Variants in RBFOX1 observed in about 807,000 individuals in gnomAD.
RBFOX1 encodes RNA binding fox-1 homolog 1, also known as RNA binding protein fox-1 homolog 1.
Under a neutral mutation model 57.7 loss-of-function variants are expected in RBFOX1, and 8 were observed. The ratio of observed to expected loss-of-function variants is 0.14; its 90% CI spans 0.08 to 0.25. The LOEUF is 0.25. RBFOX1 is among the 10% of genes least tolerant of loss of function. The pLI is 1.00. For missense variants in RBFOX1, 611 were observed against 548.5 expected (o/e 1.11, Z -1.14); for synonymous variants, 326 against 222.4 (o/e 1.47, Z -4.15).
chr16:6,546,272 T>A (rs1194356464), intron 2 of RBFOX1, among the ~76,000 whole-genome samples: 3 of 152,150 alleles, frequency 2.0e-5, no homozygotes, highest in African/African-American at 7.2e-5. Flanking sequence ...TCAGACTTTG[T>A]CCCAAGTGCA....
At chr16:6,463,290 C>T (rs184865280) in intron 2 of RBFOX1, among the ~76,000 whole-genome samples, 2 of 152,234 alleles carry the variant, frequency 1.3e-5, no homozygotes, top group East Asian at 1.9e-4. Context: ...TCTGTTAACT[C>T]GGATGTGTGC....
intron 10 of RBFOX1, among the ~76,000 whole-genome samples, chr16:7,622,514 A>G (rs1276235383): frequency 6.6e-6 from 1 of 152,214 alleles, no homozygotes; most frequent in Non-Finnish European, 1.5e-5. Flanking sequence ...TCAAACAATA[A>G]ATAGTCAAGG....
At chr16:5,586,347 G>A (rs182801232) in intron 2 of RBFOX1, among the ~76,000 whole-genome samples, 30 of 152,250 alleles carry the variant, frequency 2.0e-4, no homozygotes, top group Non-Finnish European at 4.0e-4. Flanking sequence ...TTTAAAGCTC[G>A]CTGGGTGATT....
chr16:5,244,307 C>G (rs1459065692), intron 1 of RBFOX1, among the ~76,000 whole-genome samples: 1 of 152,258 alleles, frequency 6.6e-6, no homozygotes, highest in African/African-American at 2.4e-5. Flanking sequence ...CGGTGCAGAG[C>G]AGAATATCAC....
chr16:7,702,671 G>C (rs1207693740), intron 14 of RBFOX1, among the ~76,000 whole-genome samples: 1 of 152,148 alleles, frequency 6.6e-6, no homozygotes, highest in Non-Finnish European at 1.5e-5. Flanking sequence ...TATTGGCTGT[G>C]ACTCCTTTCC....
At chr16:6,295,314 C>T (rs778031763) in intron 1 of RBFOX1, among the ~76,000 whole-genome samples, 8 of 151,904 alleles carry the variant, frequency 5.3e-5, no homozygotes, top group African/African-American at 1.5e-4. Context: ...TTAGTAGAGG[C>T]GAGGTTTCAT....
intron 1 of RBFOX1, among the ~76,000 whole-genome samples, chr16:6,141,821 G>A (rs2096718154): frequency 6.6e-6 from 1 of 152,074 alleles, no homozygotes; most frequent in Non-Finnish European, 1.5e-5. Context: ...CACTTTGGGA[G>A]GGTGAGGCAG....
intron 1 of RBFOX1, among the ~76,000 whole-genome samples, chr16:5,328,897 C>A (rs1419726966): frequency 6.6e-6 from 1 of 152,198 alleles, no homozygotes; most frequent in Admixed American, 6.5e-5. Context: ...CCGGGTCCTA[C>A]CCAGTTCCTG....
chr16:6,054,663 A>G (rs2095592943), intron 1 of RBFOX1, among the ~76,000 whole-genome samples: 1 of 152,212 alleles, frequency 6.6e-6, no homozygotes, highest in South Asian at 2.1e-4. Context: ...AGTCACTGTA[A>G]TGAAAATCCT....
At chr16:7,033,721 T>A (rs1453082779) in intron 3 of RBFOX1, among the ~76,000 whole-genome samples, 1 of 152,120 alleles carries the variant, frequency 6.6e-6, no homozygotes, top group African/African-American at 2.4e-5. Flanking sequence ...TGTCCGGGCG[T>A]GGCGACTTAT....
At chr16:7,267,434 GC>G (rs1197289969) in intron 4 of RBFOX1, among the ~76,000 whole-genome samples, 1 of 151,912 alleles carries the variant, frequency 6.6e-6, no homozygotes, top group Non-Finnish European at 1.5e-5. Flanking sequence ...TACTTGAGAG[GC>G]TGAGGCAAGA....
At chr16:7,710,136 A>T (rs2083741113) in intron 15 of RBFOX1, 1 of 1,020,484 alleles carries the variant, frequency 9.8e-7, no homozygotes, top group Non-Finnish European at 1.2e-6. Context: ...CAACTCCACA[A>T]CTCCCTTCTC....
At chr16:5,929,730 AT>A (rs959094230) in intron 4 of RBFOX1, among the ~76,000 whole-genome samples, 7 of 152,188 alleles carry the variant, frequency 4.6e-5, no homozygotes, top group Admixed American at 2.6e-4. Flanking sequence ...TAAAATGGGA[AT>A]AATGATAGAT....
At chr16:6,531,279 A>G (rs1042457502) in intron 2 of RBFOX1, among the ~76,000 whole-genome samples, 15 of 152,132 alleles carry the variant, frequency 9.9e-5, no homozygotes, top group African/African-American at 3.6e-4. Flanking sequence ...GGGGAAAGAC[A>G]TTTCAACCTC....
intron 3 of RBFOX1, among the ~76,000 whole-genome samples, chr16:7,006,660 C>G (rs11641252): frequency 0.12 from 18,264 of 152,144 alleles, 1,147 homozygotes; most frequent in East Asian, 0.18. Flanking sequence ...GATGCTCATT[C>G]TGATCTTGAA....
chr16:6,927,650 A>G (rs1284179750), intron 3 of RBFOX1, among the ~76,000 whole-genome samples: 1 of 152,060 alleles, frequency 6.6e-6, no homozygotes, highest in Non-Finnish European at 1.5e-5. Flanking sequence ...ATGTTGAATA[A>G]TAGTGAGGAT....
intron 3 of RBFOX1, among the ~76,000 whole-genome samples, chr16:6,694,696 C>G (rs2060752470): frequency 6.6e-6 from 1 of 152,142 alleles, no homozygotes; most frequent in Non-Finnish European, 1.5e-5. Context: ...CAGGAGCCAC[C>G]AGCTCTATCA....
At chr16:6,238,567 T>A (rs576750871) in intron 1 of RBFOX1, among the ~76,000 whole-genome samples, 1 of 152,280 alleles carries the variant, frequency 6.6e-6, no homozygotes, top group South Asian at 2.1e-4. Context: ...ATTAAGTATG[T>A]ATTAGTGATT....
chr16:5,968,353 G>A (rs1596316376), intron 4 of RBFOX1, among the ~76,000 whole-genome samples: 1 of 152,146 alleles, frequency 6.6e-6, no homozygotes, highest in East Asian at 1.9e-4. Context: ...GGGATTACCG[G>A]TGTGAGCCAC....
Sources: allele counts gnomAD v4.1 joint callset (sites outside exome capture counted in the v4.1 genomes callset), GRCh38; gene constraint gnomAD v4.1.1; transcripts MANE v1.5; gene names NCBI Gene and HGNC (gene_info 2026-07-23, HGNC 2026-07-21).